Variants in VDR observed in about 807,000 individuals in gnomAD.
VDR encodes vitamin D receptor.
A neutral mutation model predicts 39.7 loss-of-function variants in VDR; 19 were observed. The observed-to-expected ratio is 0.48, with a 90% CI of 0.33 to 0.70. VDR has a LOEUF of 0.70. VDR is among the 30% of genes least tolerant of loss of function. The pLI is 0.02. For missense variants in VDR, 442 were observed against 570.5 expected (o/e 0.77, Z 2.29); for synonymous variants, 242 against 215.8 (o/e 1.12, Z -1.07).
Position 47,845,108 on chromosome 12 carries a change from C to A in VDR, c.1025-103G>T. On this transcript the variant is annotated intron_variant, in intron 9 of 9. Coordinates refer to ENST00000549336, the MANE Select transcript of VDR (RefSeq NM_000376.3). ...CCCACACAGACACTCAACGGCAGCA[C>A]CCCCTAGGCCACCCCTCTATGACTG... is the stretch of plus-strand genomic sequence containing the variant. 6.4e-6 allele frequency: 10 copies of A among 1,556,186 alleles called. No homozygotes were observed. In the South Asian group the frequency reaches 1.0e-4, roughly 16 times the overall value.
At chr12:47,865,289 A>T in intron 3 of VDR, 112 bp from the exon 4 acceptor site, 1 of 1,528,646 alleles carries the variant, frequency 6.5e-7, no homozygotes, top group Non-Finnish European at 8.9e-7. Flanking sequence ...CCAACAGAAG[A>T]CATGAGGCCC....
chr12:47,886,192 T>A (rs1946249123), intron 1 of VDR, among the ~76,000 whole-genome samples: 1 of 152,366 alleles, frequency 6.6e-6, no homozygotes, highest in Non-Finnish European at 1.5e-5. Context: ...AACCAAGTGT[T>A]GGGCTTTTCC....
chr12:47,862,294 G>C (rs1334387435), intron 4 of VDR, among the ~76,000 whole-genome samples: 1 of 152,234 alleles, frequency 6.6e-6, no homozygotes, highest in African/African-American at 2.4e-5. Context: ...GCATGTGAAA[G>C]TGCCTGGAAA....
intron 1 of VDR, among the ~76,000 whole-genome samples, chr12:47,894,356 T>G (rs1167634245): frequency 3.3e-5 from 5 of 152,166 alleles, no homozygotes; most frequent in African/African-American, 1.2e-4. Flanking sequence ...CAAACATCCC[T>G]CAAGAAGGAA....
intron 3 of VDR, 153 bp downstream of exon 3, chr12:47,878,815 C>G (rs1464015327): frequency 8.1e-7 from 1 of 1,237,372 alleles, no homozygotes; most frequent in Non-Finnish European, 1.1e-6. Flanking sequence ...ATACCACTCA[C>G]CAAGACCCTC....
chr12:47,867,971 C>CA (rs144642172), intron 3 of VDR, among the ~76,000 whole-genome samples: 8,361 of 152,268 alleles, frequency 0.055, 321 homozygotes, highest in Middle Eastern at 0.082. Context: ...GCTCTACTGG[C>CA]AGTCCCAGGC....
At chr12:47,861,406 G>A (rs570308648) in intron 4 of VDR, among the ~76,000 whole-genome samples, 5 of 152,344 alleles carry the variant, frequency 3.3e-5, no homozygotes, top group Admixed American at 2.6e-4. Context: ...TTTCACACAG[G>A]CCCAATCCAT....
chr12:47,871,347 TTTC>T (rs1945869495), intron 3 of VDR, among the ~76,000 whole-genome samples: 1 of 147,176 alleles, frequency 6.8e-6, no homozygotes, highest in Non-Finnish European at 1.5e-5. Context: ...TCTTTCTTTC[TTTC>T]TTTCTTTCCT....
chr12:47,854,598 A>T (rs1945446820), intron 7 of VDR, among the ~76,000 whole-genome samples: 1 of 152,208 alleles, frequency 6.6e-6, no homozygotes, highest in Non-Finnish European at 1.5e-5. Context: ...ATATCGTTGA[A>T]TTTAAAGAGA....
Position 47,844,622 on chromosome 12 carries a change from G to T in VDR, c.*124C>A. On this transcript the variant is annotated 3_prime_UTR_variant, in exon 10 of 10. Coordinates refer to ENST00000549336, the MANE Select transcript of VDR (RefSeq NM_000376.3). ...AGAATGGGCTGGGTGGATAGGGGAG[G>T]TGGCAGAGGAGGGGCTGAACCCCAG... 7.5e-7 allele frequency: 1 copy of T among 1,332,864 alleles called. No individual in the cohort carries two copies. Among genetic ancestry groups the T allele is most frequent in the Non-Finnish European group, 1.0e-6 (1 of 955,298 alleles). The allele number at this position is 1,332,864 out of a possible 1,614,324, so 82.6% of individuals were successfully genotyped here.
intron 7 of VDR, among the ~76,000 whole-genome samples, chr12:47,849,897 C>G (rs763788047): frequency 2.0e-5 from 3 of 151,814 alleles, no homozygotes; most frequent in Non-Finnish European, 2.9e-5. Context: ...GTCACCCAGG[C>G]TGGAGTGCAG....
intron 2 of VDR, 71 bp downstream of exon 2, chr12:47,882,623 G>GCCCCAGCCCCCCCCC: frequency 1.8e-6 from 1 of 543,280 alleles, no homozygotes; most frequent in Non-Finnish European, 3.2e-6. Context: ...ACCTTCTTAT[G>GCCCCAGCCCCCCCCC]CCCCTCCCCC....
chr12:47,878,299 C>A (rs983373463), intron 3 of VDR, among the ~76,000 whole-genome samples: 4 of 152,208 alleles, frequency 2.6e-5, no homozygotes, highest in Admixed American at 6.5e-5. Flanking sequence ...CACGCTCCCA[C>A]CCTGGCTTTG....
chr12:47,892,797 G>A (rs1035782865), intron 1 of VDR, among the ~76,000 whole-genome samples: 7 of 152,222 alleles, frequency 4.6e-5, no homozygotes, highest in Non-Finnish European at 1.0e-4. Flanking sequence ...CAGGTCTAGA[G>A]GGAGCATATG....
At chr12:47,891,905 C>T (rs573339407) in intron 1 of VDR, among the ~76,000 whole-genome samples, 3 of 152,014 alleles carry the variant, frequency 2.0e-5, no homozygotes, top group African/African-American at 7.3e-5. Flanking sequence ...ACCACCCACC[C>T]CCACCCACCA....
chr12:47,892,048 T>A (rs1231419699), intron 1 of VDR, among the ~76,000 whole-genome samples: 1 of 152,124 alleles, frequency 6.6e-6, no homozygotes, highest in Admixed American at 6.5e-5. Flanking sequence ...CACCTAGACA[T>A]GGGGTGGGCT....
chr12:47,857,075 G>T (rs183336378), intron 6 of VDR, 54 bp downstream of exon 6: 29 of 1,611,420 alleles, frequency 1.8e-5, no homozygotes, highest in Non-Finnish European at 2.1e-5. Flanking sequence ...GGCAGGTGCG[G>T]TGGACTCCTC....
At chr12:47,873,588 C>A (rs1376238709) in intron 3 of VDR, among the ~76,000 whole-genome samples, 1 of 151,542 alleles carries the variant, frequency 6.6e-6, no homozygotes, top group East Asian at 1.9e-4. Flanking sequence ...GTCTCGATCT[C>A]CTGACCTCGT....
chr12:47,870,043 G>C (rs1813262818), intron 3 of VDR, among the ~76,000 whole-genome samples: 1 of 152,222 alleles, frequency 6.6e-6, no homozygotes, highest in Non-Finnish European at 1.5e-5. Context: ...TCAGTGTTCA[G>C]GGTATAGAAA....
Sources: gnomAD v4.1 joint callset for allele counts (sites outside exome capture counted in the v4.1 genomes callset) on GRCh38, gnomAD v4.1.1 for gene constraint, MANE v1.5 for transcripts, NCBI Gene and HGNC (gene_info 2026-07-23, HGNC 2026-07-21) for gene names.